Variants in HLA-DMB observed in about 807,000 individuals in gnomAD.
HLA-DMB encodes HLA class II histocompatibility antigen, DM beta chain.
In HLA-DMB, 18 loss-of-function variants were observed where a neutral mutation model predicts 29.3. The observed-to-expected ratio is 0.62, with a 90% CI of 0.43 to 0.91. The LOEUF is 0.91. Ranked by LOEUF, HLA-DMB falls within the 40% of genes least tolerant of loss-of-function variation. The probability of loss-of-function intolerance (pLI) is 0.00; values close to 1 mark genes in which losing one functional copy is unlikely to be tolerated. For synonymous variants in HLA-DMB, 143 were observed against 128.7 expected (o/e 1.11, Z -0.75); for missense variants, 258 against 320.9 (o/e 0.80, Z 1.50).
At chr6:32,936,778 G>A (rs902304031) in intron 3 of HLA-DMB, 1 of 166,190 alleles carries the variant, frequency 6.0e-6, no homozygotes, top group East Asian at 1.7e-4. Flanking sequence ...GGCTAGAATA[G>A]TGTATTACAA....
In HLA-DMB at chr6:32,934,951, G is replaced by A. The variant is rs760260340; in HGVS notation, c.*20C>T. Reference sequence around the variant, plus strand: ...TTGAATCTCCTTCTCACTTGGAGTGGAAGTTGTAGGATTCTGCCTCTAGGA... The same window carrying A: ...TTGAATCTCCTTCTCACTTGGAGTGAAAGTTGTAGGATTCTGCCTCTAGGA... On this transcript the variant is annotated 3_prime_UTR_variant, in exon 6 of 6. Transcript: ENST00000418107. 2 of 1,611,842 alleles carry A rather than the reference G, an allele frequency of 1.2e-6. No individual in the cohort carries two copies. Among genetic ancestry groups the A allele is most frequent in the Non-Finnish European group, 8.5e-7 (1 of 1,178,970 alleles).
chr6:32,939,205 G>A (rs1776203571), intron 1 of HLA-DMB, among the ~76,000 whole-genome samples: 1 of 152,106 alleles, frequency 6.6e-6, no homozygotes, highest in Non-Finnish European at 1.5e-5. Flanking sequence ...CTCTTGGTGG[G>A]CTCCTGCAGG....
At chr6:32,938,325 CCCTGGGATTCCAAATATTCCCATG>C in intron 2 of HLA-DMB, 1 of 255,898 alleles carries the variant, frequency 3.9e-6, no homozygotes, top group East Asian at 6.8e-5. Flanking sequence ...TGTCAGAATC[CCCTGGGATTCCAAATATTCCCATG>C]CCTGGGCCCA....
At chr6:32,938,105 C>T (rs2127469519) in intron 2 of HLA-DMB, 1 of 153,782 alleles carries the variant, frequency 6.5e-6, no homozygotes, top group African/African-American at 2.4e-5. Flanking sequence ...ATTTCCTAGG[C>T]TGTATCCCCA....
intron 1 of HLA-DMB, among the ~76,000 whole-genome samples, chr6:32,939,503 A>G (rs895718318): frequency 5.9e-5 from 9 of 152,190 alleles, no homozygotes; most frequent in African/African-American, 1.9e-4. Flanking sequence ...GTTCCTTTGT[A>G]TGCTTTAAAA....
chr6:32,935,956 C>T lies in HLA-DMB; in HGVS notation c.623-304G>A, dbSNP rs58879393. 9.2e-3 allele frequency: 3,890 copies of T among 425,002 alleles called. 114 individuals are homozygous for T. Among genetic ancestry groups the T allele is most frequent in the African/African-American group, 0.069 (3,463 of 50,300 alleles). 26.3% of individuals were successfully genotyped at this position (425,002 alleles called of 1,614,324 possible). A position where few individuals can be genotyped will look rare whatever the true frequency, so the allele number is the denominator to read the frequency against. ...CTTTCCTTCCTTTACCCCAAAGCCA[C>T]CCTTATCAGGATAAAGGGCTCCTCA... On this transcript the variant is annotated intron_variant, in intron 3 of 5. Coordinates refer to ENST00000418107, the MANE Select transcript of HLA-DMB (RefSeq NM_002118.5).
rs12176347 is a variant in HLA-DMB, at chr6:32,938,803, G to A, written c.218C>T (p.Ala73Val). Reference sequence around the variant, plus strand: ...GTTGAGGTGCTGTGAGAGGACATTCGCCAAGCTATTCAGCACCCCAAATTC... The same window carrying A: ...GTTGAGGTGCTGTGAGAGGACATTCACCAAGCTATTCAGCACCCCAAATTC... ...PCEFGVLNSL[A>V]NVLSQHLNQK... Residue 73 changes from alanine to valine, a missense_variant, in exon 2 of 6, where the codon GCG becomes GTG. By Grantham distance (64) the Ala-to-Val change is moderately conservative (BLOSUM62 0). Transcript: ENST00000418107. 3.1e-6 allele frequency: 5 copies of A among 1,611,140 alleles called. No individual in the cohort carries two copies. The highest frequency in any genetic ancestry group is 3.4e-6 in the Non-Finnish European group (4 of 1,179,194).
chr6:32,939,075 A>T (rs1372601032), intron 1 of HLA-DMB, 110 bp from the exon 2 acceptor site: 2 of 717,536 alleles, frequency 2.8e-6, no homozygotes, highest in East Asian at 7.2e-5. Context: ...TATAAAACAT[A>T]CAGACGTATA....
chr6:32,940,890 C>A lies in HLA-DMB; in HGVS notation c.-83G>T. 9.2e-7 allele frequency: 1 copy of A among 1,084,328 alleles called. No homozygotes were observed. The allele number at this position is 1,084,328 out of a possible 1,614,324, so 67.2% of individuals were successfully genotyped here. A position where few individuals can be genotyped will look rare whatever the true frequency, so the allele number is the denominator to read the frequency against. Reference sequence around the variant, plus strand: ...CGTGGGTCCTCGCCTGTCCCAGAAGCCCCAGCCTGGGTAGATGATCTCCAG... The same window carrying A: ...CGTGGGTCCTCGCCTGTCCCAGAAGACCCAGCCTGGGTAGATGATCTCCAG... On this transcript the variant is annotated 5_prime_UTR_variant, in exon 1 of 6. Coordinates refer to ENST00000418107, the MANE Select transcript of HLA-DMB (RefSeq NM_002118.5).
At chr6:32,938,575 C>T in intron 2 of HLA-DMB, 109 bp downstream of exon 2, 2 of 1,103,122 alleles carry the variant, frequency 1.8e-6, no homozygotes, top group South Asian at 4.3e-5. Context: ...CACACATTTT[C>T]TCTTATTTGC....
chr6:32,936,845 G>T, intron 3 of HLA-DMB: 3 of 252,424 alleles, frequency 1.2e-5, no homozygotes, highest in Non-Finnish European at 2.3e-5. Context: ...AAGCAAGCAC[G>T]CTCCCCTCTC....
intron 1 of HLA-DMB, 25 bp downstream of exon 1, chr6:32,940,728 G>C: frequency 6.3e-7 from 1 of 1,589,046 alleles, no homozygotes; most frequent in Non-Finnish European, 8.6e-7. Context: ...GGGGAAGGGA[G>C]AGTCCCCAGA....
chr6:32,937,329 A>G lies in HLA-DMB; in HGVS notation c.465T>C (p.Leu155=), dbSNP rs1776067219. The G allele has an allele frequency of 2.5e-6, 4 of 1,614,176 alleles. No homozygotes were observed. The highest frequency in any genetic ancestry group is 3.4e-6 in the Non-Finnish European group (4 of 1,180,026). The change falls in exon 3 of 6, where the codon CTT becomes CTC. Residue 155 remains leucine (L), a synonymous_variant. Coordinates refer to ENST00000418107, the MANE Select transcript of HLA-DMB (RefSeq NM_002118.5). The surrounding 1 kb of genome is among the most constrained non-coding windows in gnomAD (Gnocchi z 4.1). ...VTITWRKNGK[L]VMPHSSAHKT... ...TGTGCGCACTGCTGTGAGGCATGAC[A>G]AGCTTCCCGTTCTTCCTCCACGTGA...
chr6:32,938,515 C>A, intron 2 of HLA-DMB, 169 bp downstream of exon 2: 1 of 621,780 alleles, frequency 1.6e-6, no homozygotes, highest in Non-Finnish European at 2.4e-6. Context: ...TCACGTCAGC[C>A]ACCTTGTTCC....
At chr6:32,935,056 C>G in intron 5 of HLA-DMB, 69 bp from the exon 6 acceptor site, 1 of 1,552,836 alleles carries the variant, frequency 6.4e-7, no homozygotes, top group South Asian at 1.1e-5. Flanking sequence ...GTCACTGTAA[C>G]CATCCCATGC....
At chr6:32,935,865 C>T (rs1775968220) in intron 3 of HLA-DMB, 1 of 586,916 alleles carries the variant, frequency 1.7e-6, no homozygotes, top group East Asian at 2.8e-5. Context: ...GGGAACCCAT[C>T]TCCCCAGAAT....
In HLA-DMB at chr6:32,937,151, A is replaced by T. The variant is rs1320162490; in HGVS notation, c.622+21T>A. On this transcript the variant is annotated intron_variant, in intron 3 of 5. Coordinates refer to ENST00000418107, the MANE Select transcript of HLA-DMB (RefSeq NM_002118.5). This position sits in a 1 kb window ranked among gnomAD's most constrained non-coding sequence, Gnocchi z 4.1. ...TTTTCTCTGCTTTGACCCTAATTCC[A>T]TCCATCTGCCATACACTTACTCCAG... The T allele has an allele frequency of 6.5e-7, 1 of 1,548,106 alleles. No homozygotes were observed. The highest frequency in any genetic ancestry group is 1.4e-5 in the African/African-American group (1 of 73,160).
intron 3 of HLA-DMB, chr6:32,935,901 C>T: frequency 3.7e-6 from 2 of 541,728 alleles, no homozygotes; most frequent in Non-Finnish European, 6.5e-6. Flanking sequence ...CAGGTCCTCT[C>T]TAATACAGTG....
At chr6:32,935,448 G>T in intron 4 of HLA-DMB, 71 bp from the exon 5 acceptor site, 1 of 1,500,722 alleles carries the variant, frequency 6.7e-7, no homozygotes, top group Non-Finnish European at 9.3e-7. Flanking sequence ...CATAGCAAAT[G>T]CAGTAGGAAG....
Sources: allele counts gnomAD v4.1 joint callset (sites outside exome capture counted in the v4.1 genomes callset), GRCh38; gene constraint gnomAD v4.1.1; non-coding constraint Gnocchi (gnomAD v3.1); transcripts MANE v1.5; gene names NCBI Gene and HGNC (gene_info 2026-07-23, HGNC 2026-07-21).